The following ZSCAN23 variants were observed in gnomAD, a reference collection of about 807,000 sequenced individuals.
ZSCAN23 encodes zinc finger and SCAN domain containing 23, also known as zinc finger and SCAN domain-containing protein 23.
Under a neutral mutation model 19.3 loss-of-function variants are expected in ZSCAN23, and 19 were observed. The observed-to-expected ratio is 0.99, with a 90% CI of 0.69 to 1.45. ZSCAN23 has a LOEUF of 1.45. Among genes scored for constraint, ZSCAN23 ranks in the 40% most tolerant of loss-of-function variants. ZSCAN23 has a pLI of 0.00. For missense variants in ZSCAN23, 372 were observed against 462.5 expected, an observed-to-expected ratio of 0.80 and a Z score of 1.79; for synonymous variants, 140 against 166.2, an observed-to-expected ratio of 0.84 and a Z score of 1.21.
rs1761790185 is a variant in ZSCAN23, at chr6:28,432,984, C to A, written c.*1481G>T. The A allele has an allele frequency of 6.6e-6, 1 of 151,826 alleles. No homozygotes were observed. The highest frequency in any genetic ancestry group is 2.4e-5 in the African/African-American group (1 of 41,340). The allele number at this position is 151,826 out of a possible 1,614,324, so 9.4% of individuals were successfully genotyped here. A position where few individuals can be genotyped will look rare whatever the true frequency, so the allele number is the denominator to read the frequency against. ...TTTTTGTATTATTTTGATTTTTGAA[C>A]CAGGTGAAGAATGAATTATCTTTTT... On this transcript the variant is annotated 3_prime_UTR_variant, in exon 4 of 4. Transcript: ENST00000289788.
At chr6:28,441,473 C>T (rs183872665) in intron 1 of ZSCAN23, among the ~76,000 whole-genome samples, 7 of 152,258 alleles carry the variant, frequency 4.6e-5, no homozygotes, top group Non-Finnish European at 1.0e-4. Context: ...TCGAACCTTA[C>T]CCAATCTCTG....
downstream of ZSCAN23, among the ~76,000 whole-genome samples, chr6:28,429,073 C>T (rs1398037923): frequency 1.3e-5 from 2 of 152,098 alleles, no homozygotes; most frequent in Non-Finnish European, 2.9e-5. Context: ...TATAACTATC[C>T]CTCAAGGTCC....
chr6:28,425,364 G>A, the ZSCAN23 span, among the ~76,000 whole-genome samples: 2 of 152,236 alleles, frequency 1.3e-5, no homozygotes, highest in South Asian at 4.1e-4. Flanking sequence ...GTCTTTCTCT[G>A]TTACCCAGGC....
In ZSCAN23 at chr6:28,436,167, A is replaced by G; in HGVS notation, c.100T>C (p.Ser34Pro). 2 of 1,567,644 alleles carry G rather than the reference A, an allele frequency of 1.3e-6. No individual in the cohort carries two copies. The highest frequency in any genetic ancestry group is 1.7e-6 in the Non-Finnish European group (2 of 1,155,596). ...TGAGGGTTATTTCTTGACAGGCCTGATTCTGGCCCACAGGAATGTTCCTCC... is the reference window on the plus strand; with the variant it reads ...TGAGGGTTATTTCTTGACAGGCCTGGTTCTGGCCCACAGGAATGTTCCTCC... ...EEEEHSCGPE[S>P]GLSRNNPHTR... Residue 34 changes from serine (S) to proline (P), a missense_variant, in exon 2 of 4, where the codon TCA becomes CCA. Physicochemically the swap from Ser to Pro is moderately conservative, Grantham distance 74 (BLOSUM62 -1). Transcript: ENST00000289788.
rs1473826967 is a variant in ZSCAN23, at chr6:28,434,532, T to G, written c.1103A>C (p.Lys368Thr). 15 of 1,552,746 alleles carry G rather than the reference T, an allele frequency of 9.7e-6. No individual in the cohort carries two copies. Among genetic ancestry groups the G allele is most frequent in the Non-Finnish European group, 1.3e-5 (15 of 1,147,574 alleles). Reference protein sequence around the residue: ...ERPYECEECGKNFIYHCNLIQ... With the variant: ...ERPYECEECGTNFIYHCNLIQ... Reference sequence around the variant, plus strand: ...TAGGTTGCAATGGTAAATGAAGTTCTTGCCACATTCTTCACATTCATAAGG... The same window carrying G: ...TAGGTTGCAATGGTAAATGAAGTTCGTGCCACATTCTTCACATTCATAAGG... The change falls in exon 4 of 4, where the codon AAG becomes ACG. Residue 368 changes from lysine (K) to threonine (T), a missense_variant. Lys to Thr is a moderately conservative substitution (Grantham distance 78). Transcript: ENST00000289788.
downstream of ZSCAN23, among the ~76,000 whole-genome samples, chr6:28,430,184 G>A (rs1275965237): frequency 7.4e-6 from 1 of 135,992 alleles, no homozygotes; most frequent in Non-Finnish European, 1.6e-5. Flanking sequence ...GGGTCCTCCA[G>A]GGTCTCAGGC....
chr6:28,441,505 T>A (rs1762000437), intron 1 of ZSCAN23, among the ~76,000 whole-genome samples: 1 of 152,094 alleles, frequency 6.6e-6, no homozygotes, highest in African/African-American at 2.4e-5. Context: ...AAATCTCACA[T>A]CCTCTCTGAA....
At chr6:28,435,672 A>G in intron 2 of ZSCAN23, 65 bp from the exon 3 acceptor site, 1 of 1,487,590 alleles carries the variant, frequency 6.7e-7, no homozygotes, top group Non-Finnish European at 8.9e-7. Flanking sequence ...AGGCCTCCTC[A>G]GGGCCGCTGG....
chr6:28,424,208 T>TAAAC, the ZSCAN23 span, among the ~76,000 whole-genome samples: 2 of 152,246 alleles, frequency 1.3e-5, no homozygotes, highest in Non-Finnish European at 2.9e-5. Context: ...AAGTTATGTT[T>TAAAC]ATACTACATG....
At chr6:28,424,001 C>T in the ZSCAN23 span, among the ~76,000 whole-genome samples, 1 of 152,198 alleles carries the variant, frequency 6.6e-6, no homozygotes, top group African/African-American at 2.4e-5. Flanking sequence ...GTGAAATATT[C>T]AGATGATTAT....
chr6:28,424,708 A>G, the ZSCAN23 span, among the ~76,000 whole-genome samples: 1 of 152,250 alleles, frequency 6.6e-6, no homozygotes, highest in African/African-American at 2.4e-5. Context: ...AAATTTTATC[A>G]TAAGAATGCA....
downstream of ZSCAN23, chr6:28,432,080 T>C (rs1395787968): frequency 6.6e-6 from 1 of 152,210 alleles, no homozygotes; most frequent in Non-Finnish European, 1.5e-5. Flanking sequence ...TTCACAATTA[T>C]CTTTGTTCAT....
downstream of ZSCAN23, among the ~76,000 whole-genome samples, chr6:28,430,945 T>C (rs1371950891): frequency 1.3e-5 from 2 of 152,202 alleles, no homozygotes; most frequent in Non-Finnish European, 2.9e-5. Flanking sequence ...TCTTCTACAG[T>C]ATAAGGTTGA....
downstream of ZSCAN23, among the ~76,000 whole-genome samples, chr6:28,429,876 C>T (rs772091407): frequency 6.6e-6 from 1 of 152,110 alleles, no homozygotes; most frequent in Non-Finnish European, 1.5e-5. Context: ...CCTACACACA[C>T]AGTCCCAGGA....
In ZSCAN23 at chr6:28,436,303, G is replaced by C; in HGVS notation, c.-37C>G. Reference sequence around the variant, plus strand: ...CTATTCAGAAAAATAATCTATTCTTGATAATTCTCCCTTGATCTTTTCTTC... The same window carrying C: ...CTATTCAGAAAAATAATCTATTCTTCATAATTCTCCCTTGATCTTTTCTTC... On this transcript the variant is annotated 5_prime_UTR_variant, in exon 2 of 4. It adds an upstream start codon to the 5' untranslated region. Coordinates refer to ENST00000289788, the MANE Select transcript of ZSCAN23 (RefSeq NM_001012455.2). 6.8e-7 allele frequency: 1 copy of C among 1,466,994 alleles called. No homozygotes were observed. Among genetic ancestry groups the C allele is most frequent in the South Asian group, 1.4e-5 (1 of 70,372 alleles). The allele number at this position is 1,466,994 out of a possible 1,614,324, so 90.9% of individuals were successfully genotyped here.
downstream of ZSCAN23, among the ~76,000 whole-genome samples, chr6:28,428,074 CA>C (rs905683993): frequency 5.3e-5 from 8 of 150,760 alleles, no homozygotes; most frequent in African/African-American, 9.7e-5. Context: ...AAAACTCCAT[CA>C]AAAAAAAATG....
the ZSCAN23 span, among the ~76,000 whole-genome samples, chr6:28,423,694 C>A: frequency 2.0e-5 from 3 of 152,180 alleles, no homozygotes; most frequent in African/African-American, 7.2e-5. Flanking sequence ...TTTCATTCTT[C>A]TGCAGTTGGT....
At position 28,434,571 on chromosome 6, in the gene ZSCAN23, T is replaced by C; in HGVS notation, c.1064A>G (p.His355Arg). 1 of 1,554,826 alleles carries C rather than the reference T, an allele frequency of 6.4e-7. No individual in the cohort carries two copies. Among genetic ancestry groups the C allele is most frequent in the Non-Finnish European group, 8.7e-7 (1 of 1,148,806 alleles). Residue 355 changes from histidine (H) to arginine (R), a missense_variant, in exon 4 of 4, where the codon CAC becomes CGC. His to Arg is a conservative substitution (Grantham distance 29). Coordinates refer to ENST00000289788, the MANE Select transcript of ZSCAN23 (RefSeq NM_001012455.2). ...ACATTCATAAGGTCTCTCTCCAGTG[T>C]GAATTCTCTGATGCTTAATGAGGAC... ...RSVLIKHQRI[H>R]TGERPYECEE...
chr6:28,434,436 A>G lies in ZSCAN23; in HGVS notation c.*29T>C. ...GAGGACACAGCAGGGACAAAGTAAG[A>G]AATATTATCCCCTACCTGTTCCAAG... On this transcript the variant is annotated 3_prime_UTR_variant, in exon 4 of 4. Coordinates refer to ENST00000289788, the MANE Select transcript of ZSCAN23 (RefSeq NM_001012455.2). 6.7e-7 allele frequency: 1 copy of G among 1,494,066 alleles called. No homozygotes were observed. The highest frequency in any genetic ancestry group is 9.0e-7 in the Non-Finnish European group (1 of 1,116,490). The allele number at this position is 1,494,066 out of a possible 1,614,324, so 92.6% of individuals were successfully genotyped here.
Sources: gnomAD v4.1 joint callset for allele counts (sites outside exome capture counted in the v4.1 genomes callset) on GRCh38, gnomAD v4.1.1 for gene constraint, MANE v1.5 for transcripts, NCBI Gene and HGNC (gene_info 2026-07-23, HGNC 2026-07-21) for gene names.